Variants in ATE1 observed in about 807,000 individuals in gnomAD.
ATE1 encodes arginyl-tRNA--protein transferase 1.
In ATE1, 36 loss-of-function variants were observed where a neutral mutation model predicts 70.5. That is an observed-to-expected ratio of 0.51 (90% CI 0.39 to 0.67). The LOEUF is 0.67. ATE1 is among the 30% of genes least tolerant of loss of function. ATE1 has a pLI of 0.00. For synonymous variants in ATE1, 232 were observed against 219.3 expected (o/e 1.06, Z -0.51); for missense variants, 593 against 629.5 (o/e 0.94, Z 0.62).
intron 11 of ATE1, among the ~76,000 whole-genome samples, chr10:121,783,797 A>G (rs1335620265): frequency 6.6e-6 from 1 of 152,238 alleles, no homozygotes; most frequent in African/African-American, 2.4e-5. Flanking sequence ...GATATTTTTG[A>G]GCTTACTAAA....
chr10:121,787,066 C>G (rs1415193666), intron 11 of ATE1, among the ~76,000 whole-genome samples: 2 of 152,044 alleles, frequency 1.3e-5, no homozygotes, highest in Non-Finnish European at 2.9e-5. Flanking sequence ...GTCAATCCCT[C>G]CCCCCACAGT....
chr10:121,804,833 G>A (rs1399177970), intron 10 of ATE1, among the ~76,000 whole-genome samples: 1 of 151,552 alleles, frequency 6.6e-6, no homozygotes, highest in Non-Finnish European at 1.5e-5. Flanking sequence ...TTTGGCCAGT[G>A]GGAGCTCAAT....
chr10:121,817,969 A>T (rs1054218590), intron 10 of ATE1, among the ~76,000 whole-genome samples: 1 of 152,184 alleles, frequency 6.6e-6, no homozygotes, highest in Non-Finnish European at 1.5e-5. Flanking sequence ...CTTTAAAAAT[A>T]ATTTGATTCT....
chr10:121,874,828 ACC>A (rs1240941035), intron 7 of ATE1, among the ~76,000 whole-genome samples: 1 of 151,850 alleles, frequency 6.6e-6, no homozygotes, highest in African/African-American at 2.4e-5. Context: ...ACACGGTGAA[ACC>A]CCGTCTCTAC....
chr10:121,921,026 G>A (rs1052926512), intron 3 of ATE1, among the ~76,000 whole-genome samples: 1 of 150,854 alleles, frequency 6.6e-6, no homozygotes. Flanking sequence ...TGGACTCTAA[G>A]TGTAAGTGGC....
intron 3 of ATE1, among the ~76,000 whole-genome samples, chr10:121,920,967 C>T (rs1951857866): frequency 6.6e-6 from 1 of 151,654 alleles, no homozygotes; most frequent in Admixed American, 6.6e-5. Flanking sequence ...GCACTCCAGC[C>T]CAGGCGACAG....
chr10:121,928,095 C>T, upstream of ATE1: 2 of 1,213,844 alleles, frequency 1.6e-6, no homozygotes, highest in Non-Finnish European at 2.1e-6. Flanking sequence ...GCCGGCCCGG[C>T]GCCTCTTGGA....
chr10:121,924,428 C>T (rs753994161), intron 1 of ATE1, 99 bp from the exon 2 acceptor site: 163 of 1,161,188 alleles, frequency 1.4e-4, no homozygotes, highest in Middle Eastern at 4.3e-4. Context: ...TGTCCGGGCA[C>T]GGTGGCTCAT....
chr10:121,770,397 A>G (rs1303421388), intron 11 of ATE1, among the ~76,000 whole-genome samples: 1 of 152,200 alleles, frequency 6.6e-6, no homozygotes, highest in Non-Finnish European at 1.5e-5. Context: ...TTATTTTAAC[A>G]TAAAAGTCCC....
chr10:121,922,158 A>G (rs1311112968), intron 3 of ATE1, among the ~76,000 whole-genome samples, 191 bp downstream of exon 3: 1 of 152,174 alleles, frequency 6.6e-6, no homozygotes, highest in Non-Finnish European at 1.5e-5. Flanking sequence ...ATCAAACAAT[A>G]TTACTAAAAC....
chr10:121,870,272 T>C (rs536801948), intron 7 of ATE1, among the ~76,000 whole-genome samples: 2 of 152,340 alleles, frequency 1.3e-5, no homozygotes, highest in Middle Eastern at 3.4e-3. Flanking sequence ...TAAAAATCTA[T>C]ATAAAAGCAC....
intron 7 of ATE1, among the ~76,000 whole-genome samples, chr10:121,888,809 G>A (rs1371169910): frequency 2.6e-5 from 4 of 152,158 alleles, no homozygotes; most frequent in Non-Finnish European, 4.4e-5. Flanking sequence ...AGAGTTAACA[G>A]TCTACTACAA....
intron 8 of ATE1, among the ~76,000 whole-genome samples, chr10:121,854,701 GAC>G (rs1166277378): frequency 6.6e-6 from 1 of 152,184 alleles, no homozygotes; most frequent in East Asian, 1.9e-4. Context: ...CGGTCAGGCA[GAC>G]AGTTAGGATG....
At position 121,741,309 on chromosome 10, in the gene ATE1, G is replaced by A. The variant is rs1038765652; in HGVS notation, c.*2371C>T. 2.6e-5 allele frequency: 4 copies of A among 152,104 alleles called. No individual in the cohort carries two copies. Among genetic ancestry groups the A allele is most frequent in the Non-Finnish European group, 4.4e-5 (3 of 68,032 alleles). The allele number at this position is 152,104 out of a possible 1,614,324, so 9.4% of individuals were successfully genotyped here. A position where few individuals can be genotyped will look rare whatever the true frequency, so the allele number is the denominator to read the frequency against. On this transcript the variant is annotated 3_prime_UTR_variant, in exon 12 of 12. Coordinates refer to ENST00000224652, the MANE Select transcript of ATE1 (RefSeq NM_001001976.3). ...CCTTTTAAGACACTTTGACTACTTGGATCAATACACTAGCTATTCTCAAAC... is the reference window on the plus strand; with the variant it reads ...CCTTTTAAGACACTTTGACTACTTGAATCAATACACTAGCTATTCTCAAAC...
intron 11 of ATE1, among the ~76,000 whole-genome samples, chr10:121,789,296 C>T (rs371502210): frequency 5.0e-4 from 46 of 92,688 alleles, no homozygotes; most frequent in Middle Eastern, 0.028. Context: ...CAGGGCTATG[C>T]TTTTTTTTTT....
At chr10:121,772,939 G>C (rs985530887) in intron 11 of ATE1, among the ~76,000 whole-genome samples, 2 of 152,200 alleles carry the variant, frequency 1.3e-5, no homozygotes, top group African/African-American at 2.4e-5. Flanking sequence ...TTCTCTCTCT[G>C]AGGTGTTACA....
chr10:121,795,440 T>C (rs1468201680), intron 10 of ATE1, among the ~76,000 whole-genome samples: 4 of 152,106 alleles, frequency 2.6e-5, no homozygotes, highest in South Asian at 2.1e-4. Context: ...ATAAAAAATA[T>C]GACAGTGTAC....
At chr10:121,898,913 C>A (rs1950874823) in intron 7 of ATE1, 3 of 1,614,002 alleles carry the variant, frequency 1.9e-6, no homozygotes, top group Non-Finnish European at 2.5e-6. Flanking sequence ...AAGAAAAGGA[C>A]TGGCTGAAAG....
intron 10 of ATE1, among the ~76,000 whole-genome samples, chr10:121,803,395 C>A (rs1157075248): frequency 6.6e-6 from 1 of 152,100 alleles, no homozygotes; most frequent in Non-Finnish European, 1.5e-5. Context: ...GTGACTTGAT[C>A]AAGGCTAATT....
Sources: gnomAD v4.1 joint callset for allele counts (sites outside exome capture counted in the v4.1 genomes callset) on GRCh38, gnomAD v4.1.1 for gene constraint, MANE v1.5 for transcripts, NCBI Gene and HGNC (gene_info 2026-07-23, HGNC 2026-07-21) for gene names.